FRMPD1: variants seen among roughly 807,000 people sequenced by gnomAD.
The protein encoded by FRMPD1 is FERM and PDZ domain containing 1.
FRMPD1 carries 76 observed loss-of-function variants against 117.8 expected under a neutral mutation model. The ratio of observed to expected loss-of-function variants is 0.65; its 90% confidence interval spans 0.54 to 0.78. The LOEUF is 0.78. Ranked by LOEUF, FRMPD1 falls within the 30% of genes least tolerant of loss-of-function variation. The probability of loss-of-function intolerance (pLI) is 0.00; values close to 1 mark genes in which losing one functional copy is unlikely to be tolerated. For missense variants in FRMPD1, 1,786 were observed against 1,964.5 expected (o/e 0.91, Z 1.72); for synonymous variants, 783 against 770.4 (o/e 1.02, Z -0.27).
At position 37,746,589 on chromosome 9, in the gene FRMPD1, G is replaced by C; in HGVS notation, c.4557G>C (p.Glu1519Asp). The change falls in exon 16 of 16, where the codon GAG (glutamate) becomes GAC (aspartate). Residue 1519 changes from glutamate to aspartate, a missense_variant. Transcript: ENST00000377765. Reference protein sequence around the residue: ...DCSRCSARHREAAGNLRDVVY... With the variant: ...DCSRCSARHRDAAGNLRDVVY... Reference sequence around the variant, plus strand: ...GCCGCTGCTCCGCCCGGCACAGGGAGGCAGCGGGGAACCTGAGGGATGTGG... The same window carrying C: ...GCCGCTGCTCCGCCCGGCACAGGGACGCAGCGGGGAACCTGAGGGATGTGG... 1 of 1,613,924 alleles carries C rather than the reference G, an allele frequency of 6.2e-7. No individual in the cohort carries two copies.
the FRMPD1 span, among the ~76,000 whole-genome samples, chr9:37,637,971 T>TCTTTCTTTCTTTC: frequency 1.3e-5 from 1 of 78,758 alleles, no homozygotes; most frequent in African/African-American, 5.1e-5. Context: ...ATGCTTTCTT[T>TCTTTCTTTCTTTC]CTTTCTTTCT....
At chr9:37,628,746 A>G in the FRMPD1 span, among the ~76,000 whole-genome samples, 4 of 152,178 alleles carry the variant, frequency 2.6e-5, no homozygotes, top group Non-Finnish European at 5.9e-5. Flanking sequence ...GACTTGACCA[A>G]AATCTTAGTG....
rs1344478756 is a variant in FRMPD1 at position 37,744,605 on chromosome 9, C to T, written c.2573C>T (p.Ala858Val). The T allele has an allele frequency of 6.2e-7, 1 of 1,613,968 alleles. No homozygotes were observed. The highest frequency in any genetic ancestry group is 8.5e-7 in the Non-Finnish European group (1 of 1,179,864). The stretch of plus-strand genomic sequence containing the variant: ...GTCTCATTTCCCCTGGTGCCATCAG[C>T]CTCCCTGGAGAGTGTAGACGACGTG... ...SQVSFPLVPS[A>V]SLESVDDVCY... The change falls in exon 16 of 16, where the codon GCC (alanine) becomes GTC (valine). Residue 858 changes from alanine (A) to valine (V), a missense_variant. Transcript: ENST00000377765.
upstream of FRMPD1, among the ~76,000 whole-genome samples, chr9:37,649,393 G>T (rs1331123505): frequency 6.6e-6 from 1 of 152,144 alleles, no homozygotes; most frequent in Non-Finnish European, 1.5e-5. Flanking sequence ...TCTGTCTCCT[G>T]GGGCAGAACT....
chr9:37,733,331 A>G, intron 10 of FRMPD1, 142 bp from the exon 11 acceptor site: 1 of 774,368 alleles, frequency 1.3e-6, no homozygotes, highest in East Asian at 2.5e-5. Context: ...GTGTGTGAGA[A>G]AGAAAAAGAG....
chr9:37,696,428 C>T (rs967370738), intron 2 of FRMPD1, among the ~76,000 whole-genome samples: 7 of 152,136 alleles, frequency 4.6e-5, no homozygotes, highest in African/African-American at 1.7e-4. Context: ...GTATCGTCAG[C>T]CTTAACAGAG....
At chr9:37,628,053 A>C in the FRMPD1 span, among the ~76,000 whole-genome samples, 503 of 152,380 alleles carry the variant, frequency 3.3e-3, 6 homozygotes, top group African/African-American at 0.012. Context: ...AGGAAAACCC[A>C]GTACTGGCAG....
chr9:37,683,720 T>C (rs7849206), intron 1 of FRMPD1, among the ~76,000 whole-genome samples: 19,408 of 60,332 alleles, frequency 0.32, 1,386 homozygotes, highest in Middle Eastern at 0.41. Context: ...TTGGGGGGAA[T>C]GACAGGTAAA....
chr9:37,640,579 C>T, the FRMPD1 span, among the ~76,000 whole-genome samples: 29 of 152,310 alleles, frequency 1.9e-4, no homozygotes, highest in East Asian at 3.9e-4. Context: ...AGGCTTCCTA[C>T]GCTCTGGAAG....
chr9:37,637,416 T>G, the FRMPD1 span: 1 of 651,908 alleles, frequency 1.5e-6, no homozygotes, highest in South Asian at 1.7e-5. Context: ...TTAATAAAAT[T>G]CACCCTTTTT....
chr9:37,654,791 A>T (rs1396899153), intron 1 of FRMPD1, among the ~76,000 whole-genome samples: 1 of 152,108 alleles, frequency 6.6e-6, no homozygotes, highest in Non-Finnish European at 1.5e-5. Flanking sequence ...TATCGGGGAG[A>T]CTCAAGAGCA....
intron 1 of FRMPD1, among the ~76,000 whole-genome samples, chr9:37,674,623 T>A (rs1039838834): frequency 1.3e-5 from 2 of 151,976 alleles, no homozygotes; most frequent in Non-Finnish European, 2.9e-5. Flanking sequence ...GAAAAAGAGG[T>A]TTAATTGGAC....
At position 37,746,553 on chromosome 9, in the gene FRMPD1, C is replaced by T; in HGVS notation, c.4521C>T (p.Phe1507=). 6.2e-7 allele frequency: 1 copy of T among 1,613,790 alleles called. No homozygotes were observed. The highest frequency in any genetic ancestry group is 8.5e-7 in the Non-Finnish European group (1 of 1,179,990). Residue 1507 remains phenylalanine, a synonymous_variant, in exon 16 of 16, where the codon TTC becomes TTT. Transcript: ENST00000377765. ...LVQLAGLCFQ[F]TDCSRCSARH... ...AGCTGGCCGGCCTGTGCTTTCAGTT[C>T]ACAGACTGTAGCCGCTGCTCCGCCC...
chr9:37,639,850 T>G, the FRMPD1 span, among the ~76,000 whole-genome samples: 1 of 152,182 alleles, frequency 6.6e-6, no homozygotes, highest in Non-Finnish European at 1.5e-5. Context: ...TTGTAGAGAC[T>G]GCGTTTTGCC....
At chr9:37,659,450 AC>A (rs1360696617) in intron 1 of FRMPD1, among the ~76,000 whole-genome samples, 3 of 151,966 alleles carry the variant, frequency 2.0e-5, no homozygotes, top group Non-Finnish European at 4.4e-5. Flanking sequence ...TCTGGTGCAT[AC>A]CCTCATTTCC....
intron 2 of FRMPD1, among the ~76,000 whole-genome samples, chr9:37,694,094 T>C (rs2118044336): frequency 6.6e-6 from 1 of 152,156 alleles, no homozygotes; most frequent in Non-Finnish European, 1.5e-5. Context: ...CTTGCATGAG[T>C]GTTGTAGGTG....
chr9:37,614,169 G>T, the FRMPD1 span, among the ~76,000 whole-genome samples: 1 of 152,226 alleles, frequency 6.6e-6, no homozygotes, highest in Non-Finnish European at 1.5e-5. Flanking sequence ...AATTATGGAA[G>T]TGGTTGTTGA....
the FRMPD1 span, among the ~76,000 whole-genome samples, chr9:37,613,266 CCTA>C: frequency 2.6e-5 from 4 of 152,114 alleles, no homozygotes; most frequent in Non-Finnish European, 4.4e-5. Context: ...ATACTGAGCA[CCTA>C]CTATGTATGT....
At chr9:37,665,841 C>CAGT (rs1821143478) in intron 1 of FRMPD1, among the ~76,000 whole-genome samples, 2 of 152,186 alleles carry the variant, frequency 1.3e-5, no homozygotes, top group South Asian at 2.1e-4. Context: ...CCAGCAGCCA[C>CAGT]ATGTGAGGGC....
Sources: gnomAD v4.1 joint callset for allele counts (sites outside exome capture counted in the v4.1 genomes callset) on GRCh38, gnomAD v4.1.1 for gene constraint, MANE v1.5 for transcripts, NCBI Gene and HGNC (gene_info 2026-07-23, HGNC 2026-07-21) for gene names.